PRELID2: variants seen among roughly 807,000 people sequenced by gnomAD.
PRELID2 encodes the protein PRELI domain containing 2, also known as PRELI domain-containing protein 2.
In PRELID2, 25 loss-of-function variants were observed where a neutral mutation model predicts 28.4. That is an observed-to-expected ratio of 0.88 (90% confidence interval 0.64 to 1.23). The LOEUF (loss-of-function observed/expected upper bound fraction) is 1.23, where lower values mean the gene tolerates loss of function less well. Ranked by LOEUF, PRELID2 falls within the 50% of genes most tolerant of loss-of-function variation. The probability of loss-of-function intolerance (pLI) is 0.00; values close to 1 mark genes in which losing one functional copy is unlikely to be tolerated. For missense variants in PRELID2, 201 were observed against 214.4 expected, an observed-to-expected ratio of 0.94 and a Z score of 0.39; for synonymous variants, 76 against 71.6, an observed-to-expected ratio of 1.06 and a Z score of -0.31.
At chr5:145,384,158 C>G in the PRELID2 span, among the ~76,000 whole-genome samples, 1 of 152,076 alleles carries the variant, frequency 6.6e-6, no homozygotes, top group Non-Finnish European at 1.5e-5. Context: ...ACTGACAATA[C>G]CAGATGTGAG....
intron 1 of PRELID2, among the ~76,000 whole-genome samples, chr5:145,576,671 A>AGTAT (rs1278494119): frequency 1.4e-4 from 16 of 115,512 alleles, no homozygotes; most frequent in African/African-American, 5.5e-4. Flanking sequence ...GTTATAGCAC[A>AGTAT]ATAGTAAAAA....
the PRELID2 span, among the ~76,000 whole-genome samples, chr5:145,391,251 T>C: frequency 3.3e-5 from 5 of 152,226 alleles, no homozygotes; most frequent in African/African-American, 9.6e-5. Context: ...GGCATTTCCA[T>C]ACATTCTCTG....
At chr5:145,544,827 T>C (rs1301449415) in intron 1 of PRELID2, among the ~76,000 whole-genome samples, 1 of 152,168 alleles carries the variant, frequency 6.6e-6, no homozygotes, top group Non-Finnish European at 1.5e-5. Context: ...ATGTCCAATT[T>C]GGAGGGATCA....
At chr5:145,385,553 T>C in the PRELID2 span, among the ~76,000 whole-genome samples, 1 of 152,258 alleles carries the variant, frequency 6.6e-6, no homozygotes, top group South Asian at 2.1e-4. Flanking sequence ...ACTTCAGTAA[T>C]GAGAAATCCT....
chr5:145,328,196 TG>T, the PRELID2 span, among the ~76,000 whole-genome samples: 1 of 152,210 alleles, frequency 6.6e-6, no homozygotes, highest in South Asian at 2.1e-4. Context: ...GATGGGCATT[TG>T]GGCTGGTTTC....
the PRELID2 span, among the ~76,000 whole-genome samples, chr5:145,417,737 G>A: frequency 6.6e-6 from 1 of 152,044 alleles, no homozygotes; most frequent in African/African-American, 2.4e-5. Flanking sequence ...GATATTGAAG[G>A]GACATATCTC....
At chr5:145,773,074 T>G (rs945713344) in intron 5 of PRELID2, among the ~76,000 whole-genome samples, 1 of 152,218 alleles carries the variant, frequency 6.6e-6, no homozygotes, top group Non-Finnish European at 1.5e-5. Flanking sequence ...TGTCTTTGCT[T>G]CACATTATAA....
At chr5:145,634,017 C>A (rs753566349) in intron 1 of PRELID2, among the ~76,000 whole-genome samples, 66 of 152,116 alleles carry the variant, frequency 4.3e-4, no homozygotes, top group Non-Finnish European at 7.8e-4. Flanking sequence ...ATGATATAAG[C>A]CCCATGTGCC....
the PRELID2 span, among the ~76,000 whole-genome samples, chr5:145,357,972 G>A: frequency 6.6e-6 from 1 of 151,856 alleles, no homozygotes; most frequent in Non-Finnish European, 1.5e-5. Flanking sequence ...GTGGCATAAG[G>A]TGGGTTTAGT....
At chr5:145,803,683 A>T (rs933451636) in intron 4 of PRELID2, among the ~76,000 whole-genome samples, 1 of 150,998 alleles carries the variant, frequency 6.6e-6, no homozygotes, top group African/African-American at 2.4e-5. Flanking sequence ...TACTAACATT[A>T]GTAATAATTA....
At chr5:145,346,288 A>G in the PRELID2 span, among the ~76,000 whole-genome samples, 1,866 of 152,262 alleles carry the variant, frequency 0.012, 33 homozygotes, top group African/African-American at 0.043. Context: ...TAAAGCTCAC[A>G]TTTGAATTGC....
chr5:145,248,229 G>A, the PRELID2 span, among the ~76,000 whole-genome samples: 7 of 151,848 alleles, frequency 4.6e-5, no homozygotes, highest in East Asian at 5.8e-4. Flanking sequence ...CTTAACCCTC[G>A]TATATGTATG....
At chr5:145,578,418 A>G (rs962134219) in intron 1 of PRELID2, among the ~76,000 whole-genome samples, 4 of 152,110 alleles carry the variant, frequency 2.6e-5, no homozygotes, top group African/African-American at 9.7e-5. Flanking sequence ...CATTTCAGGC[A>G]TGCTCAGATA....
At chr5:145,533,587 C>G (rs965200881) in intron 1 of PRELID2, among the ~76,000 whole-genome samples, 6 of 152,016 alleles carry the variant, frequency 3.9e-5, no homozygotes, top group Non-Finnish European at 7.4e-5. Context: ...GAGTAACACA[C>G]AATTGTTAGT....
At chr5:145,777,145 T>C (rs1758461174) in intron 5 of PRELID2, among the ~76,000 whole-genome samples, 1 of 152,200 alleles carries the variant, frequency 6.6e-6, no homozygotes, top group African/African-American at 2.4e-5. Context: ...AGAAAATAGT[T>C]TGTTACAGTG....
At chr5:145,586,120 T>G (rs1320341519) in intron 1 of PRELID2, among the ~76,000 whole-genome samples, 2 of 151,990 alleles carry the variant, frequency 1.3e-5, no homozygotes, top group Admixed American at 1.3e-4. Context: ...AAAGTCATAT[T>G]GAAAAAATGC....
At chr5:145,274,169 T>G in the PRELID2 span, among the ~76,000 whole-genome samples, 1 of 152,176 alleles carries the variant, frequency 6.6e-6, no homozygotes, top group Non-Finnish European at 1.5e-5. Flanking sequence ...AAATTATACT[T>G]AGTACATCAG....
At chr5:145,476,417 G>A (rs950959646) in intron 1 of PRELID2, among the ~76,000 whole-genome samples, 7 of 152,226 alleles carry the variant, frequency 4.6e-5, no homozygotes, top group African/African-American at 1.7e-4. Flanking sequence ...GGCCAAGGCT[G>A]GTGGATCACC....
At chr5:145,450,239 T>C in the PRELID2 span, among the ~76,000 whole-genome samples, 2 of 152,160 alleles carry the variant, frequency 1.3e-5, no homozygotes, top group African/African-American at 4.8e-5. Context: ...GAGCAGTCCG[T>C]TGTAAAGAAT....
Sources: allele counts gnomAD v4.1 joint callset (sites outside exome capture counted in the v4.1 genomes callset), GRCh38; gene constraint gnomAD v4.1.1; transcripts MANE v1.5; gene names NCBI Gene and HGNC (gene_info 2026-07-23, HGNC 2026-07-21).